SCAPER: variants seen among roughly 807,000 people sequenced by gnomAD.
SCAPER encodes the protein S phase cyclin A-associated protein in the endoplasmic reticulum.
SCAPER carries 98 observed loss-of-function variants against 182.2 expected under a neutral mutation model. The observed-to-expected ratio is 0.54, with a 90% confidence interval of 0.46 to 0.64. SCAPER has a LOEUF of 0.64. SCAPER is among the 30% of genes least tolerant of loss of function. The probability of loss-of-function intolerance (pLI) is 0.00; values close to 1 mark genes in which losing one functional copy is unlikely to be tolerated. For synonymous variants in SCAPER, 605 were observed against 564.6 expected (o/e 1.07, Z -1.01); for missense variants, 1,432 against 1,690.0 (o/e 0.85, Z 2.68).
chr15:76,696,226 G>A (rs897180660), intron 20 of SCAPER, among the ~76,000 whole-genome samples: 2 of 152,098 alleles, frequency 1.3e-5, no homozygotes, highest in East Asian at 3.8e-4. Flanking sequence ...GGCGCACCCT[G>A]GCCAAGACAG....
intron 21 of SCAPER, among the ~76,000 whole-genome samples, chr15:76,634,925 T>G (rs1329555682): frequency 6.6e-6 from 1 of 152,126 alleles, no homozygotes; most frequent in African/African-American, 2.4e-5. Flanking sequence ...AGATAGGTTC[T>G]TGAAACTGCA....
rs781562973 is a variant in SCAPER, at chr15:76,513,094, C to T, written c.2839-8120G>A. On this transcript the variant is annotated intron_variant, in intron 23 of 31. Coordinates refer to ENST00000563290, the MANE Select transcript of SCAPER (RefSeq NM_020843.4). ...AGCCCTATTCATCCATCACCTCTGC[C>T]GTACCTCATGGCCCCATTCTCTCTT... 1.9e-4 allele frequency among the ~76,000 whole-genome samples: 29 copies of T among 152,250 alleles called. 1 individual carries two copies. The highest frequency in any genetic ancestry group is 4.1e-4 in the African/African-American group (17 of 41,558).
At chr15:76,637,598 T>C (rs929623979) in intron 21 of SCAPER, among the ~76,000 whole-genome samples, 27 of 151,684 alleles carry the variant, frequency 1.8e-4, no homozygotes, top group African/African-American at 6.5e-4. Flanking sequence ...CCTAGCTTCT[T>C]GGGAGGCTGA....
chr15:76,701,822 T>C lies in SCAPER; in HGVS notation c.2444A>G (p.Lys815Arg). Reference protein sequence around the residue: ...VYLFSHVKGRKHQQAVRENTS... With the variant: ...VYLFSHVKGRRHQQAVRENTS... Reference sequence around the variant, plus strand: ...ATTCTCTCTCACGGCTTGCTGGTGTTTTCTCCCTTTAACATGGCTAAAAAG... The same window carrying C: ...ATTCTCTCTCACGGCTTGCTGGTGTCTTCTCCCTTTAACATGGCTAAAAAG... The change falls in exon 20 of 32, where the codon AAA (lysine) becomes AGA (arginine). Residue 815 changes from lysine (K) to arginine (R), a missense_variant. Transcript: ENST00000563290. 2 of 1,613,846 alleles carry C rather than the reference T, an allele frequency of 1.2e-6. No homozygotes were observed. The highest frequency in any genetic ancestry group is 8.5e-7 in the Non-Finnish European group (1 of 1,179,808).
chr15:76,889,915 T>C (rs2074071411), intron 1 of SCAPER, among the ~76,000 whole-genome samples: 1 of 152,132 alleles, frequency 6.6e-6, no homozygotes, highest in African/African-American at 2.4e-5. Context: ...GACCACATAA[T>C]TGGAAGTAAA....
At chr15:76,789,389 TAAAGG>T (rs1043908085) in intron 8 of SCAPER, among the ~76,000 whole-genome samples, 6 of 152,280 alleles carry the variant, frequency 3.9e-5, no homozygotes, top group Admixed American at 2.0e-4. Context: ...TTTTACTTTT[TAAAGG>T]AAAGAAAAAC....
chr15:76,679,923 T>C (rs1456863005), intron 20 of SCAPER, among the ~76,000 whole-genome samples: 1 of 152,188 alleles, frequency 6.6e-6, no homozygotes, highest in Admixed American at 6.5e-5. Context: ...GAGCTCAATA[T>C]TGCAACAAGG....
In SCAPER at chr15:76,601,738, A is replaced by C. The variant is rs1416217373; in HGVS notation, c.2711+20026T>G. Among the ~76,000 whole-genome samples the C allele has an allele frequency of 3.3e-5, 4 of 122,030 alleles. 2 individuals carry two copies. Among genetic ancestry groups the C allele is most frequent in the Non-Finnish European group, 8.0e-5 (4 of 50,168 alleles). The allele number at this position is 122,030 out of a possible 152,430, so 80.1% of individuals were successfully genotyped here. On this transcript the variant is annotated intron_variant, in intron 22 of 31. Transcript: ENST00000563290. ...CAAGTCCAGTTTCAAATAATGCTAT[A>C]CTGCTTCACAGGTAGTGCTGTGAAA...
chr15:76,479,717 A>G (rs1462554426), intron 24 of SCAPER, among the ~76,000 whole-genome samples: 2 of 152,216 alleles, frequency 1.3e-5, no homozygotes, highest in African/African-American at 2.4e-5. Flanking sequence ...GTTTAATAAT[A>G]TAACTTAGAA....
At chr15:76,569,101 CTT>C (rs1381938399) in intron 23 of SCAPER, among the ~76,000 whole-genome samples, 4 of 151,964 alleles carry the variant, frequency 2.6e-5, no homozygotes, top group Admixed American at 1.3e-4. Flanking sequence ...AAGCAGACGT[CTT>C]GACAGTAAAT....
chr15:76,517,948 G>A (rs2042565171), intron 23 of SCAPER, among the ~76,000 whole-genome samples: 1 of 151,982 alleles, frequency 6.6e-6, no homozygotes, highest in South Asian at 2.1e-4. Flanking sequence ...AGAATATAAA[G>A]GAATGTTAAG....
At chr15:76,453,040 C>A (rs763966136) in intron 25 of SCAPER, among the ~76,000 whole-genome samples, 4 of 152,106 alleles carry the variant, frequency 2.6e-5, no homozygotes, top group Admixed American at 6.5e-5. Context: ...TGCTATGTTG[C>A]CCAGGCTGGT....
chr15:76,713,006 T>A (rs1567885413), intron 17 of SCAPER, among the ~76,000 whole-genome samples: 1 of 152,196 alleles, frequency 6.6e-6, no homozygotes, highest in African/African-American at 2.4e-5. Flanking sequence ...AGGGCATCCC[T>A]GTCTTGTGCC....
intron 4 of SCAPER, among the ~76,000 whole-genome samples, chr15:76,846,071 A>G (rs943325925): frequency 6.6e-6 from 1 of 152,150 alleles, no homozygotes; most frequent in African/African-American, 2.4e-5. Flanking sequence ...TTTTCAGCAA[A>G]GGTGCCAGGA....
chr15:76,488,334 A>G (rs1369436498), intron 24 of SCAPER, among the ~76,000 whole-genome samples: 1 of 152,196 alleles, frequency 6.6e-6, no homozygotes, highest in Non-Finnish European at 1.5e-5. Context: ...TAGAATATCT[A>G]TAATTTGCTT....
intron 22 of SCAPER, among the ~76,000 whole-genome samples, chr15:76,615,435 A>G (rs1004285334): frequency 6.6e-6 from 1 of 150,908 alleles, no homozygotes; most frequent in African/African-American, 2.4e-5. Flanking sequence ...ACAGAGCAAG[A>G]GTCCATCTCA....
At chr15:76,892,421 C>G (rs1017121554) in intron 1 of SCAPER, among the ~76,000 whole-genome samples, 1 of 152,028 alleles carries the variant, frequency 6.6e-6, no homozygotes. Context: ...TGCAATCTAC[C>G]CATCTGACTA....
intron 20 of SCAPER, among the ~76,000 whole-genome samples, chr15:76,681,628 A>C (rs1259096207): frequency 6.6e-6 from 1 of 152,188 alleles, no homozygotes; most frequent in Non-Finnish European, 1.5e-5. Flanking sequence ...GCATGGGGAT[A>C]CTGAGAACCA....
chr15:76,608,465 G>A (rs1303637651), intron 22 of SCAPER, among the ~76,000 whole-genome samples: 2 of 152,232 alleles, frequency 1.3e-5, no homozygotes, highest in Non-Finnish European at 2.9e-5. Flanking sequence ...TCGGGGGTCA[G>A]GGACCCACTT....
Sources: gnomAD v4.1 joint callset for allele counts (sites outside exome capture counted in the v4.1 genomes callset) on GRCh38, gnomAD v4.1.1 for gene constraint, MANE v1.5 for transcripts, NCBI Gene and HGNC (gene_info 2026-07-23, HGNC 2026-07-21) for gene names.